MCU: variants seen among roughly 807,000 people sequenced by gnomAD.
MCU encodes the protein mitochondrial calcium uniporter.
In MCU, 12 loss-of-function variants were observed where a neutral mutation model predicts 45.2. The observed-to-expected ratio is 0.27, with a 90% confidence interval of 0.17 to 0.43. The LOEUF (loss-of-function observed/expected upper bound fraction) is 0.43, where lower values mean the gene tolerates loss of function less well. Among genes scored for constraint, MCU ranks in the 20% least tolerant of loss-of-function variants. The pLI is 1.00. For synonymous variants in MCU, 160 were observed against 165.1 expected (o/e 0.97, Z 0.24); for missense variants, 324 against 436.7 (o/e 0.74, Z 2.30).
chr10:72,800,071 A>G (rs1049485731), intron 1 of MCU, among the ~76,000 whole-genome samples: 9 of 152,170 alleles, frequency 5.9e-5, no homozygotes, highest in Admixed American at 6.5e-5. Context: ...ACCTGACCTC[A>G]TGTAACATGC....
intron 2 of MCU, among the ~76,000 whole-genome samples, chr10:72,838,449 A>T (rs2132840370): frequency 6.6e-6 from 1 of 152,062 alleles, no homozygotes; most frequent in East Asian, 1.9e-4. Flanking sequence ...ATCTCTACTA[A>T]AAAATACAAA....
At chr10:72,800,850 C>T (rs1290284863) in intron 1 of MCU, among the ~76,000 whole-genome samples, 6 of 152,132 alleles carry the variant, frequency 3.9e-5, no homozygotes, top group East Asian at 3.8e-4. Context: ...AGGCCTAGCA[C>T]GGTGGCTCAC....
At chr10:72,778,437 T>C (rs1843932704) in intron 1 of MCU, among the ~76,000 whole-genome samples, 1 of 152,120 alleles carries the variant, frequency 6.6e-6, no homozygotes, top group Non-Finnish European at 1.5e-5. Flanking sequence ...GATAGAAATA[T>C]CACATCTTCT....
chr10:72,801,813 A>C (rs147179080), intron 1 of MCU, among the ~76,000 whole-genome samples: 23 of 151,880 alleles, frequency 1.5e-4, no homozygotes, highest in African/African-American at 5.6e-4. Flanking sequence ...CTGAGACCAC[A>C]GATACACACC....
chr10:72,855,368 A>G (rs916877518), intron 2 of MCU, among the ~76,000 whole-genome samples: 6 of 152,296 alleles, frequency 3.9e-5, no homozygotes, highest in Admixed American at 2.6e-4. Flanking sequence ...GCTTGAGTCC[A>G]GGAGTTCAAG....
intron 1 of MCU, among the ~76,000 whole-genome samples, chr10:72,743,663 C>G (rs146906564): frequency 6.6e-6 from 1 of 152,060 alleles, no homozygotes; most frequent in Admixed American, 6.6e-5. Flanking sequence ...GTATTATGAA[C>G]TTAGAGGCAA....
intron 1 of MCU, among the ~76,000 whole-genome samples, chr10:72,714,428 A>G (rs1366828023): frequency 7.2e-6 from 1 of 138,404 alleles, no homozygotes; most frequent in African/African-American, 2.8e-5. Flanking sequence ...CCTGGGCTCA[A>G]GCAATCCTCC....
At chr10:72,751,642 C>T (rs565257173) in intron 1 of MCU, among the ~76,000 whole-genome samples, 7 of 151,912 alleles carry the variant, frequency 4.6e-5, no homozygotes, top group South Asian at 2.1e-4. Context: ...GGGTGTGAGC[C>T]GCTGCACTCC....
chr10:72,724,228 G>T (rs971385000), intron 1 of MCU, among the ~76,000 whole-genome samples: 1 of 152,128 alleles, frequency 6.6e-6, no homozygotes, highest in African/African-American at 2.4e-5. Context: ...GAAGTAGAAG[G>T]TATCAGAATT....
intron 2 of MCU, among the ~76,000 whole-genome samples, chr10:72,853,121 C>G (rs1215562908): frequency 6.6e-6 from 1 of 152,096 alleles, no homozygotes. Flanking sequence ...AACCACCAAT[C>G]AAAAATTACT....
chr10:72,765,516 G>C (rs556643575), intron 1 of MCU, among the ~76,000 whole-genome samples: 1 of 152,010 alleles, frequency 6.6e-6, no homozygotes, highest in South Asian at 2.1e-4. Context: ...CAATAAGTCT[G>C]GGCATGGTGA....
chr10:72,837,634 A>G (rs1844973923), intron 2 of MCU, among the ~76,000 whole-genome samples: 1 of 152,150 alleles, frequency 6.6e-6, no homozygotes, highest in Non-Finnish European at 1.5e-5. Flanking sequence ...TAGACTTCTC[A>G]TTTTAATTTC....
chr10:72,705,973 ACT>A (rs36065692), intron 1 of MCU, among the ~76,000 whole-genome samples: 3,943 of 151,654 alleles, frequency 0.026, 73 homozygotes, highest in Non-Finnish European at 0.038. Context: ...ACAGAGCAAG[ACT>A]CTCTCTCAAA....
At chr10:72,749,943 T>C (rs1449212819) in intron 1 of MCU, among the ~76,000 whole-genome samples, 1 of 136,956 alleles carries the variant, frequency 7.3e-6, no homozygotes. Context: ...ATTTTTGTAC[T>C]TTTTTTTTTT....
chr10:72,757,404 TCTC>T (rs1385931651), intron 1 of MCU, among the ~76,000 whole-genome samples: 2 of 152,182 alleles, frequency 1.3e-5, no homozygotes, highest in African/African-American at 2.4e-5. Flanking sequence ...GTGTGCTTCA[TCTC>T]CTTCTTCCTC....
chr10:72,769,513 G>A (rs150658939), intron 1 of MCU, among the ~76,000 whole-genome samples: 1 of 152,064 alleles, frequency 6.6e-6, no homozygotes, highest in Non-Finnish European at 1.5e-5. Flanking sequence ...GAACTCCTGG[G>A]CTCCGGTGAT....
At chr10:72,740,753 A>G (rs955807575) in intron 1 of MCU, among the ~76,000 whole-genome samples, 1 of 152,248 alleles carries the variant, frequency 6.6e-6, no homozygotes, top group Non-Finnish European at 1.5e-5. Flanking sequence ...TTGCTGGGGC[A>G]GCCAGTGTGC....
rs773622828 is a variant in MCU at position 72,808,714 on chromosome 10, AAT to A, written c.151-25644_151-25643del. On this transcript the variant is annotated intron_variant, in intron 1 of 7. Coordinates refer to ENST00000373053, the MANE Select transcript of MCU (RefSeq NM_138357.3). ...TACAGGAAACATGGCTGGGAGGCGG[AAT>A]CATGGCTAGAATCATGGCGGAAGGC... 4.6e-4 allele frequency among the ~76,000 whole-genome samples: 70 copies of A among 152,240 alleles called. 1 individual carries two copies. Among genetic ancestry groups the A allele is most frequent in the Non-Finnish European group, 8.1e-4 (55 of 68,042 alleles).
At chr10:72,879,186 C>T (rs1350980193) in intron 6 of MCU, among the ~76,000 whole-genome samples, 1 of 152,150 alleles carries the variant, frequency 6.6e-6, no homozygotes, top group Admixed American at 6.5e-5. Flanking sequence ...TCGCTTGAAC[C>T]TGAGAGACGA....
Sources: gnomAD v4.1 joint callset for allele counts (sites outside exome capture counted in the v4.1 genomes callset) on GRCh38, gnomAD v4.1.1 for gene constraint, MANE v1.5 for transcripts, NCBI Gene and HGNC (gene_info 2026-07-23, HGNC 2026-07-21) for gene names.